ANKFN1: variants seen among roughly 807,000 people sequenced by gnomAD.
ANKFN1 encodes the protein ankyrin repeat and fibronectin type-III domain-containing protein 1.
ANKFN1 carries 74 observed loss-of-function variants against 108.7 expected under a neutral mutation model. The ratio of observed to expected loss-of-function variants is 0.68; its 90% CI spans 0.56 to 0.83. The LOEUF (loss-of-function observed/expected upper bound fraction) is 0.83, where lower values mean the gene tolerates loss of function less well. Ranked by LOEUF, ANKFN1 falls within the 40% of genes least tolerant of loss-of-function variation. ANKFN1 has a pLI of 0.00. For synonymous variants in ANKFN1, 547 were observed against 516.2 expected (o/e 1.06, Z -0.81); for missense variants, 1,505 against 1,382.3 (o/e 1.09, Z -1.41).
At chr17:56,503,236 C>A (rs944958295) in intron 20 of ANKFN1, among the ~76,000 whole-genome samples, 1 of 151,608 alleles carries the variant, frequency 6.6e-6, no homozygotes, top group African/African-American at 2.4e-5. Context: ...TGAAGGTTAT[C>A]CTGATCTTCC....
chr17:56,048,849 A>G (rs1904725414), intron 4 of ANKFN1, among the ~76,000 whole-genome samples: 1 of 152,180 alleles, frequency 6.6e-6, no homozygotes, highest in East Asian at 1.9e-4. Flanking sequence ...CAGAGCCAGC[A>G]TAGAGCTAAG....
chr17:56,220,870 G>A (rs1473490797), intron 2 of ANKFN1, among the ~76,000 whole-genome samples: 1 of 62,402 alleles, frequency 1.6e-5, no homozygotes, highest in Non-Finnish European at 2.7e-5. Flanking sequence ...AAGGAAGGAA[G>A]GGAGGGAGGG....
intron 3 of ANKFN1, among the ~76,000 whole-genome samples, chr17:56,293,819 C>G (rs185826862): frequency 6.6e-6 from 1 of 152,192 alleles, no homozygotes; most frequent in Non-Finnish European, 1.5e-5. Context: ...GTCCTTGGCT[C>G]CTTGAGGGAG....
intron 3 of ANKFN1, chr17:56,252,431 C>A (rs2043255179): frequency 1.3e-5 from 2 of 152,174 alleles, no homozygotes; most frequent in African/African-American, 4.8e-5. Flanking sequence ...CTACTTCTTA[C>A]AAGTTTCTTC....
chr17:56,422,402 C>A (rs564969238), intron 8 of ANKFN1, among the ~76,000 whole-genome samples: 1 of 151,958 alleles, frequency 6.6e-6, no homozygotes, highest in Non-Finnish European at 1.5e-5. Flanking sequence ...CAGTCCCAGG[C>A]AGCATTTAGC....
intron 5 of ANKFN1, among the ~76,000 whole-genome samples, chr17:56,351,926 A>G (rs1420612486): frequency 1.3e-5 from 2 of 152,182 alleles, no homozygotes; most frequent in African/African-American, 2.4e-5. Flanking sequence ...GTTTGCCAAC[A>G]AAAGCTTGGA....
intron 1 of ANKFN1, among the ~76,000 whole-genome samples, chr17:56,202,433 G>C (rs1179883555): frequency 2.0e-5 from 3 of 152,092 alleles, no homozygotes; most frequent in African/African-American, 7.2e-5. Context: ...GGCCTTCTTA[G>C]GTTCTCCACA....
intron 4 of ANKFN1, among the ~76,000 whole-genome samples, chr17:56,093,334 T>G (rs1905455231): frequency 6.6e-6 from 1 of 151,250 alleles, no homozygotes; most frequent in Non-Finnish European, 1.5e-5. Flanking sequence ...ACCTAGCTTC[T>G]CAACTATGAC....
chr17:56,277,063 AG>A (rs2043954040), intron 3 of ANKFN1, among the ~76,000 whole-genome samples: 1 of 152,212 alleles, frequency 6.6e-6, no homozygotes, highest in Admixed American at 6.5e-5. Context: ...CTAAAATCTC[AG>A]CTAAAAAATA....
At chr17:56,456,307 G>A (rs142816962) in intron 11 of ANKFN1, among the ~76,000 whole-genome samples, 43 of 151,776 alleles carry the variant, frequency 2.8e-4, no homozygotes, top group African/African-American at 1.0e-3. Flanking sequence ...GGTCTCCTCT[G>A]CAGTTATAAA....
Position 56,174,446 on chromosome 17 carries a change from C to T in ANKFN1, c.-71+20916C>T, listed in dbSNP as rs1290666614. On this transcript the variant is annotated intron_variant, in intron 1 of 20. Transcript: ENST00000682825. ...AAGCAGTGATCTTTTTAGTGAATTG[C>T]TTGAGGGTTCTCTGGCTAGACCTGG... 3.1e-6 allele frequency: 3 copies of T among 979,450 alleles called. No individual in the cohort carries two copies. The African/African-American group carries it at 5.3e-5, about 17-fold the overall frequency. The allele number at this position is 979,450 out of a possible 1,614,324, so 60.7% of individuals were successfully genotyped here. A position where few individuals can be genotyped will look rare whatever the true frequency, so the allele number is the denominator to read the frequency against.
At chr17:56,183,207 A>G (rs749798457) in intron 1 of ANKFN1, among the ~76,000 whole-genome samples, 1 of 152,200 alleles carries the variant, frequency 6.6e-6, no homozygotes, top group Non-Finnish European at 1.5e-5. Flanking sequence ...TTTAAGGAGT[A>G]CATTTCATAA....
intron 3 of ANKFN1, among the ~76,000 whole-genome samples, chr17:56,242,054 T>G (rs1567859048): frequency 6.6e-6 from 1 of 150,604 alleles, no homozygotes; most frequent in Non-Finnish European, 1.5e-5. Context: ...CTTAATACTC[T>G]TGGTATACTG....
chr17:56,336,015 G>T (rs1031883180), intron 4 of ANKFN1, among the ~76,000 whole-genome samples: 1 of 152,136 alleles, frequency 6.6e-6, no homozygotes, highest in Non-Finnish European at 1.5e-5. Flanking sequence ...AATGGATTAC[G>T]TTTATTGATT....
chr17:56,321,105 A>T (rs2045354047), intron 3 of ANKFN1, among the ~76,000 whole-genome samples: 1 of 151,590 alleles, frequency 6.6e-6, no homozygotes, highest in Admixed American at 6.6e-5. Flanking sequence ...TGAATAGCCA[A>T]TGCACTCCCC....
At chr17:56,108,592 T>A (rs1480327073) in intron 4 of ANKFN1, among the ~76,000 whole-genome samples, 1 of 150,528 alleles carries the variant, frequency 6.6e-6, no homozygotes, top group South Asian at 2.1e-4. Context: ...CACGGAGAGG[T>A]TAAGTAACTT....
intron 3 of ANKFN1, among the ~76,000 whole-genome samples, chr17:56,283,357 A>G (rs1200300723): frequency 2.0e-5 from 3 of 152,122 alleles, no homozygotes; most frequent in African/African-American, 7.3e-5. Flanking sequence ...TAGAACTACC[A>G]TTTGATCCAG....
intron 19 of ANKFN1, among the ~76,000 whole-genome samples, chr17:56,496,420 T>C (rs2051202953): frequency 6.6e-6 from 1 of 152,168 alleles, no homozygotes; most frequent in South Asian, 2.1e-4. Flanking sequence ...AACAGAAATG[T>C]ATTCCCTCAC....
At chr17:56,058,111 C>G (rs572762756) in intron 4 of ANKFN1, among the ~76,000 whole-genome samples, 3 of 152,002 alleles carry the variant, frequency 2.0e-5, no homozygotes, top group Admixed American at 2.0e-4. Context: ...TTTTAAAGGC[C>G]CTAGGGTATT....
Sources: gnomAD v4.1 joint callset for allele counts (sites outside exome capture counted in the v4.1 genomes callset) on GRCh38, gnomAD v4.1.1 for gene constraint, MANE v1.5 for transcripts, NCBI Gene and HGNC (gene_info 2026-07-23, HGNC 2026-07-21) for gene names.